The following IFT88 variants were observed in gnomAD, a reference collection of about 807,000 sequenced individuals.
The protein encoded by IFT88 is intraflagellar transport 88.
Under a neutral mutation model 119.5 loss-of-function variants are expected in IFT88, and 74 were observed. The observed-to-expected ratio is 0.62, with a 90% CI of 0.51 to 0.75. The LOEUF is 0.75. Ranked by LOEUF, IFT88 falls within the 30% of genes least tolerant of loss-of-function variation. The pLI, the probability that IFT88 is intolerant of heterozygous loss-of-function variation, is 0.00. For synonymous variants in IFT88, 279 were observed against 316.7 expected (o/e 0.88, Z 1.26); for missense variants, 961 against 977.7 (o/e 0.98, Z 0.23).
At chr13:20,600,306 T>C (rs1452984530) in intron 11 of IFT88, among the ~76,000 whole-genome samples, 1 of 152,058 alleles carries the variant, frequency 6.6e-6, no homozygotes, top group African/African-American at 2.4e-5. Flanking sequence ...TAACATATAT[T>C]AAGTGCTTCA....
chr13:20,637,478 A>C (rs768493461), intron 16 of IFT88, among the ~76,000 whole-genome samples: 3 of 152,110 alleles, frequency 2.0e-5, no homozygotes, highest in Middle Eastern at 3.4e-3. Flanking sequence ...CCACAGTAGA[A>C]CCCAGAGGGC....
At chr13:20,681,177 A>G (rs1348229015) in intron 24 of IFT88, among the ~76,000 whole-genome samples, 1 of 152,254 alleles carries the variant, frequency 6.6e-6, no homozygotes, top group Admixed American at 6.5e-5. Context: ...CTTGGCTAGT[A>G]TAGCCTGGGA....
At chr13:20,653,850 T>G in intron 20 of IFT88, 26 bp from the exon 21 acceptor site, 4 of 1,388,336 alleles carry the variant, frequency 2.9e-6, no homozygotes, top group Non-Finnish European at 3.9e-6. Flanking sequence ...TTATCTCTAA[T>G]TTCATCTCAT....
In IFT88 at chr13:20,589,867, G is replaced by A. The variant is rs145344536; in HGVS notation, c.210G>A (p.Gly70=). 24 of 1,590,862 alleles carry A rather than the reference G, an allele frequency of 1.5e-5. No homozygotes were observed. The highest frequency in any genetic ancestry group is 2.0e-5 in the Non-Finnish European group (23 of 1,162,712). Reference sequence around the variant, plus strand: ...CTAGACCTATAGCTACTGGATATGGGGTAGGTTTTTGTAAGCTGAAAATAT... The same window carrying A: ...CTAGACCTATAGCTACTGGATATGGAGTAGGTTTTTGTAAGCTGAAAATAT... ...AVTRPIATGY[G]SKTSLASSIG... is the part of the protein sequence containing the mutation. The change falls in exon 4 of 26, where the codon GGG becomes GGA. Residue 70 remains glycine, a splice_region_variant and synonymous_variant. Coordinates refer to ENST00000351808, the MANE Select transcript of IFT88 (RefSeq NM_006531.5).
rs140676763 is a variant in IFT88, at chr13:20,591,032, G to T, written c.264+12G>T. On this transcript the variant is annotated intron_variant, in intron 5 of 25. Transcript: ENST00000351808. The stretch of plus-strand genomic sequence containing the variant: ...CAGGGGCTATTCAGGTATCTCTATT[G>T]GATGCATGTTCATTTTGTGCCTTTC... 1.3e-6 allele frequency: 2 copies of T among 1,588,734 alleles called. No individual in the cohort carries two copies. Among genetic ancestry groups the T allele is most frequent in the East Asian group, 4.5e-5 (2 of 44,294 alleles).
chr13:20,596,261 C>A, intron 8 of IFT88, 21 bp downstream of exon 8: 2 of 1,138,032 alleles, frequency 1.8e-6, no homozygotes, highest in South Asian at 1.5e-5. Context: ...AAACAAGATT[C>A]AAAATTATGA....
intron 1 of IFT88, among the ~76,000 whole-genome samples, chr13:20,570,796 C>A (rs530614843): frequency 1.4e-5 from 2 of 138,448 alleles, no homozygotes; most frequent in African/African-American, 5.3e-5. Context: ...GGTTGCACAA[C>A]CTTGTGAATA....
At chr13:20,663,349 G>A (rs148131367) in intron 22 of IFT88, 149 bp from the exon 23 acceptor site, 17 of 1,522,010 alleles carry the variant, frequency 1.1e-5, no homozygotes, top group Non-Finnish European at 1.4e-5. Flanking sequence ...TCCAGAGATT[G>A]CAAAGTGTAA....
chr13:20,605,257 T>C (rs535566041), intron 13 of IFT88, 152 bp downstream of exon 13: 6 of 421,700 alleles, frequency 1.4e-5, no homozygotes, highest in Non-Finnish European at 2.1e-5. Flanking sequence ...TTACAGAACT[T>C]GTTATATTCA....
At chr13:20,628,912 C>A (rs1176319068) in intron 15 of IFT88, among the ~76,000 whole-genome samples, 1 of 151,882 alleles carries the variant, frequency 6.6e-6, no homozygotes, top group Non-Finnish European at 1.5e-5. Context: ...ATGTATATAT[C>A]AAAATTTAAA....
intron 9 of IFT88, among the ~76,000 whole-genome samples, chr13:20,597,521 G>C (rs935171935): frequency 1.4e-4 from 22 of 152,054 alleles, no homozygotes; most frequent in African/African-American, 5.3e-4. Context: ...GAGGCGGGCA[G>C]ATCACAAGGT....
chr13:20,615,702 T>C lies in IFT88; in HGVS notation c.1113-91T>C, dbSNP rs112979887. ...AGTAGGCTTTTGTGGTATGTTAGTT[T>C]TGATAGATAATGTTTACACTTAAAT... On this transcript the variant is annotated intron_variant, in intron 13 of 25. Coordinates refer to ENST00000351808, the MANE Select transcript of IFT88 (RefSeq NM_006531.5). The C allele has an allele frequency of 3.8e-3, 2,398 of 635,808 alleles. 42 individuals are homozygous for C. In the African/African-American group the frequency reaches 0.041, roughly 11 times the overall value. The allele number at this position is 635,808 out of a possible 1,614,324, so 39.4% of individuals were successfully genotyped here.
chr13:20,598,546 A>G, intron 9 of IFT88, 105 bp from the exon 10 acceptor site: 2 of 582,618 alleles, frequency 3.4e-6, no homozygotes, highest in Non-Finnish European at 6.2e-6. Context: ...GTATCTTGAT[A>G]TAAGTAGCTA....
chr13:20,599,538 A>G lies in IFT88; in HGVS notation c.785A>G (p.Gln262Arg). The G allele has an allele frequency of 6.5e-7, 1 of 1,534,326 alleles. No homozygotes were observed. Among genetic ancestry groups the G allele is most frequent in the South Asian group, 1.2e-5 (1 of 83,640 alleles). The change falls in exon 11 of 26, where the codon CAA becomes CGA. Residue 262 changes from glutamine to arginine, a missense_variant. Coordinates refer to ENST00000351808, the MANE Select transcript of IFT88 (RefSeq NM_006531.5). ...AIKFYRMALD[Q>R]VPSVNKQMRI... ...AAATTCTACCGAATGGCATTAGACC[A>G]AGTTCCAAGTGTCAATAAGCAAATG...
intron 22 of IFT88, 41 bp downstream of exon 22, chr13:20,656,471 C>G: frequency 2.1e-6 from 2 of 962,596 alleles, no homozygotes; most frequent in Non-Finnish European, 3.1e-6. Flanking sequence ...GTGATAAGTT[C>G]TCATATTTTA....
At chr13:20,585,772 T>G (rs1203276868) in intron 3 of IFT88, among the ~76,000 whole-genome samples, 1 of 152,220 alleles carries the variant, frequency 6.6e-6, no homozygotes, top group African/African-American at 2.4e-5. Flanking sequence ...TCTCTTTGAG[T>G]AAAGTTAATT....
At chr13:20,655,134 T>C (rs2052513007) in intron 21 of IFT88, among the ~76,000 whole-genome samples, 1 of 152,212 alleles carries the variant, frequency 6.6e-6, no homozygotes, top group South Asian at 2.1e-4. Flanking sequence ...AACTTTCTAA[T>C]GTTTAAAAAA....
intron 4 of IFT88, among the ~76,000 whole-genome samples, chr13:20,590,094 A>G (rs2040400465): frequency 6.6e-6 from 1 of 152,074 alleles, no homozygotes; most frequent in East Asian, 1.9e-4. Context: ...CCATTTGTAA[A>G]CCCTGTGTTC....
In IFT88 at chr13:20,602,226, T is replaced by TTG. The variant is rs1288499048; in HGVS notation, c.1041+293_1041+294insTG. 2.8e-3 allele frequency among the ~76,000 whole-genome samples: 424 copies of TTG among 149,594 alleles called. 2 individuals are homozygous for TTG. The highest frequency in any genetic ancestry group is 4.9e-3 in the Non-Finnish European group (329 of 67,088). Reference sequence around the variant, plus strand: ...AATATCTTTTTTTTTTTTTTTTTTTTGAGACAGAGAGCCTGCCTTCCAGGC... The same window carrying TTG: ...AATATCTTTTTTTTTTTTTTTTTTTTTGGAGACAGAGAGCCTGCCTTCCAGGC... On this transcript the variant is annotated intron_variant, in intron 12 of 25. Coordinates refer to ENST00000351808, the MANE Select transcript of IFT88 (RefSeq NM_006531.5).
Sources: allele counts gnomAD v4.1 joint callset (sites outside exome capture counted in the v4.1 genomes callset), GRCh38; gene constraint gnomAD v4.1.1; transcripts MANE v1.5; gene names NCBI Gene and HGNC (gene_info 2026-07-23, HGNC 2026-07-21).